The following NBEA variants were observed in gnomAD, a reference collection of about 807,000 sequenced individuals.
The protein encoded by NBEA is neurobeachin, also known as lysosomal-trafficking regulator 2.
In NBEA, 44 loss-of-function variants were observed where a neutral mutation model predicts 343.4. The ratio of observed to expected loss-of-function variants is 0.13; its 90% CI spans 0.10 to 0.16. The LOEUF (loss-of-function observed/expected upper bound fraction) is 0.16, where lower values mean the gene tolerates loss of function less well. Ranked by LOEUF, NBEA falls within the 10% of genes least tolerant of loss-of-function variation. NBEA has a pLI of 1.00. For synonymous variants in NBEA, 1,175 were observed against 1,238.7 expected, an observed-to-expected ratio of 0.95 and a Z score of 1.08; for missense variants, 2,555 against 3,631.3, an observed-to-expected ratio of 0.70 and a Z score of 7.62.
chr13:35,272,020 T>G (rs2152804995), intron 34 of NBEA, among the ~76,000 whole-genome samples: 1 of 151,990 alleles, frequency 6.6e-6, no homozygotes, highest in Non-Finnish European at 1.5e-5. Context: ...ACAAAGATAC[T>G]CCTCGAGACG....
At chr13:35,186,225 GC>G in intron 30 of NBEA, 1 of 152,318 alleles carries the variant, frequency 6.6e-6, no homozygotes, top group Non-Finnish European at 1.5e-5. Flanking sequence ...GATTGCTTAA[GC>G]CCAGGAAGTT....
intron 4 of NBEA, 91 bp from the exon 5 acceptor site, chr13:35,048,472 T>A: frequency 8.5e-7 from 1 of 1,176,044 alleles, no homozygotes; most frequent in Non-Finnish European, 1.2e-6. Context: ...ATACTTTGAT[T>A]GTTATTTAAT....
intron 41 of NBEA, among the ~76,000 whole-genome samples, chr13:35,501,309 G>A (rs533595173): frequency 3.9e-5 from 6 of 152,216 alleles, no homozygotes; most frequent in Non-Finnish European, 7.4e-5. Context: ...TCAGAGCAAC[G>A]TGTGGAAAAT....
At chr13:35,274,514 G>T (rs1250294558) in intron 34 of NBEA, among the ~76,000 whole-genome samples, 1 of 152,016 alleles carries the variant, frequency 6.6e-6, no homozygotes, top group Non-Finnish European at 1.5e-5. Flanking sequence ...TTCTGGCCAG[G>T]GCAATCAGGC....
intron 31 of NBEA, among the ~76,000 whole-genome samples, chr13:35,199,058 T>C (rs533097827): frequency 1.3e-3 from 201 of 152,236 alleles, no homozygotes; most frequent in African/African-American, 4.7e-3. Context: ...TTTGATTGTC[T>C]GTCAGCCATT....
chr13:35,147,494 C>T (rs2068509940), intron 18 of NBEA, among the ~76,000 whole-genome samples: 2 of 152,064 alleles, frequency 1.3e-5, no homozygotes, highest in South Asian at 2.1e-4. Flanking sequence ...CTGCAGGTGA[C>T]CCCAGCAGGG....
At chr13:34,958,658 T>C (rs905758641) in intron 1 of NBEA, among the ~76,000 whole-genome samples, 11 of 151,902 alleles carry the variant, frequency 7.2e-5, no homozygotes, top group African/African-American at 2.4e-4. Context: ...CCCTTGAGAG[T>C]AGGAGCTAGA....
chr13:35,655,086 C>G (rs2153081744), intron 54 of NBEA, 76 bp downstream of exon 54: 1 of 1,190,956 alleles, frequency 8.4e-7, no homozygotes, highest in Non-Finnish European at 1.1e-6. Flanking sequence ...TGAAATCATA[C>G]TTAATGTAGG....
intron 47 of NBEA, among the ~76,000 whole-genome samples, chr13:35,600,464 AC>A (rs1489097718): frequency 1.3e-5 from 2 of 152,172 alleles, no homozygotes; most frequent in African/African-American, 4.8e-5. Context: ...CAGTGACAGA[AC>A]TTTTTTACTG....
intron 21 of NBEA, 57 bp from the exon 22 acceptor site, chr13:35,158,959 G>GT: frequency 7.2e-7 from 1 of 1,380,048 alleles, no homozygotes; most frequent in Non-Finnish European, 9.7e-7. Context: ...GTATTATTTA[G>GT]TTTTTTCTTT....
At chr13:35,624,283 AAT>A (rs1287996303) in intron 48 of NBEA, among the ~76,000 whole-genome samples, 1 of 152,196 alleles carries the variant, frequency 6.6e-6, no homozygotes, top group Non-Finnish European at 1.5e-5. Flanking sequence ...CTACATCATT[AAT>A]AACCAAGTAT....
intron 41 of NBEA, among the ~76,000 whole-genome samples, chr13:35,482,282 A>G (rs537395299): frequency 3.3e-5 from 5 of 151,720 alleles, no homozygotes; most frequent in African/African-American, 1.2e-4. Flanking sequence ...TTACAGAAAA[A>G]GAAGGAAATT....
intron 1 of NBEA, among the ~76,000 whole-genome samples, chr13:35,035,840 T>A (rs149285713): frequency 0.014 from 2,161 of 152,068 alleles, 20 homozygotes; most frequent in Middle Eastern, 0.031. Flanking sequence ...TTCTGCTCTT[T>A]TTTTGGTTTT....
intron 11 of NBEA, among the ~76,000 whole-genome samples, chr13:35,101,652 T>C (rs1168385897): frequency 6.6e-6 from 1 of 151,858 alleles, no homozygotes. Flanking sequence ...ATTCTTTGGA[T>C]CACATTAATT....
chr13:35,496,643 A>G (rs2076689735), intron 41 of NBEA, among the ~76,000 whole-genome samples: 2 of 151,634 alleles, frequency 1.3e-5, no homozygotes, highest in South Asian at 4.1e-4. Context: ...AAAAAAAAAA[A>G]AAAAAAAGAA....
intron 18 of NBEA, among the ~76,000 whole-genome samples, chr13:35,148,146 A>G (rs1566363877): frequency 6.6e-6 from 1 of 152,170 alleles, no homozygotes; most frequent in African/African-American, 2.4e-5. Context: ...GCTCTTGATA[A>G]TAGGAGTTCA....
intron 10 of NBEA, among the ~76,000 whole-genome samples, chr13:35,093,893 G>C (rs368911737): frequency 1.7e-4 from 26 of 151,604 alleles, no homozygotes; most frequent in Non-Finnish European, 3.4e-4. Context: ...ACCTTTGAAG[G>C]CTTTTAGTAA....
intron 35 of NBEA, among the ~76,000 whole-genome samples, chr13:35,300,902 A>G (rs548799658): frequency 2.4e-4 from 37 of 152,128 alleles, no homozygotes; most frequent in African/African-American, 8.9e-4. Flanking sequence ...AATACTGTGT[A>G]CTGTTGTCTA....
rs764144595 is a variant in NBEA at position 35,161,736 on chromosome 13, T to C, written c.3862-14T>C. The stretch of plus-strand genomic sequence containing the variant: ...CTTTTGTATTCCACAAAAGTTCATC[T>C]TTTCCTTCTTTAGGCTGTGCAGGGT... On this transcript the variant is annotated splice_polypyrimidine_tract_variant and intron_variant, in intron 22 of 58. Coordinates refer to ENST00000379939, the MANE Select transcript of NBEA (RefSeq NM_001385012.1). 19 of 1,593,796 alleles carry C rather than the reference T, an allele frequency of 1.2e-5. No individual in the cohort carries two copies. The African/African-American group carries it at 2.6e-4, about 21-fold the overall frequency.
Sources: allele counts gnomAD v4.1 joint callset (sites outside exome capture counted in the v4.1 genomes callset), GRCh38; gene constraint gnomAD v4.1.1; transcripts MANE v1.5; gene names NCBI Gene and HGNC (gene_info 2026-07-23, HGNC 2026-07-21).